The following DNHD1 variants were observed in gnomAD, a reference collection of about 807,000 sequenced individuals.
DNHD1 encodes the protein dynein heavy chain domain-containing protein 1.
A neutral mutation model predicts 458.1 loss-of-function variants in DNHD1; 383 were observed. That is an observed-to-expected ratio of 0.84 (90% CI 0.77 to 0.91). DNHD1 has a LOEUF of 0.91. Among genes scored for constraint, DNHD1 ranks in the 40% least tolerant of loss-of-function variants. The probability of loss-of-function intolerance (pLI) is 0.00; values close to 1 mark genes in which losing one functional copy is unlikely to be tolerated. For synonymous variants in DNHD1, 2,203 were observed against 2,376.9 expected (o/e 0.93, Z 2.13); for missense variants, 5,336 against 5,866.1 (o/e 0.91, Z 2.95).
At position 6,563,139 on chromosome 11, in the gene DNHD1, C is replaced by T. The variant is rs1853620432; in HGVS notation, c.9669+8C>T. 2 of 1,551,646 alleles carry T rather than the reference C, an allele frequency of 1.3e-6. No individual in the cohort carries two copies. The highest frequency in any genetic ancestry group is 1.7e-6 in the Non-Finnish European group (2 of 1,146,966). On this transcript the variant is annotated splice_region_variant and intron_variant, in intron 29 of 42. Transcript: ENST00000254579. ...GAGGCTTTCCTGGAGCAGGTGGGCT[C>T]TTCCTGCCGCCTGCCCTGCACTGCT...
At position 6,498,478 on chromosome 11, in the gene DNHD1, T is replaced by A. The variant is rs1303442823; in HGVS notation, c.263T>A (p.Leu88Gln). The change falls in exon 3 of 43, where the codon CTG becomes CAG. Residue 88 changes from leucine (L) to glutamine (Q), a missense_variant. Leu to Gln is a moderately radical substitution (Grantham distance 113). Coordinates refer to ENST00000254579, the MANE Select transcript of DNHD1 (RefSeq NM_144666.3). The stretch of plus-strand genomic sequence containing the variant: ...GCTTGGCGCTATCTTCATGCAGTAC[T>A]GGGTCTACTGCCTCCATATCGTGAG... ...PAAWRYLHAV[L>Q]GLLPPYRELL... 1 of 1,614,112 alleles carries A rather than the reference T, an allele frequency of 6.2e-7. No individual in the cohort carries two copies. Among genetic ancestry groups the A allele is most frequent in the Non-Finnish European group, 8.5e-7 (1 of 1,180,044 alleles).
In DNHD1 at chr11:6,558,922, C is replaced by A; in HGVS notation, c.9232C>A (p.Leu3078Ile). 6.4e-7 allele frequency: 1 copy of A among 1,551,708 alleles called. No individual in the cohort carries two copies. Among genetic ancestry groups the A allele is most frequent in the African/African-American group, 1.4e-5 (1 of 73,170 alleles). The change falls in exon 27 of 43, where the codon CTC (leucine) becomes ATC (isoleucine). Residue 3078 changes from leucine (L) to isoleucine (I), a missense_variant. Leu to Ile is a conservative substitution (Grantham distance 5, BLOSUM62 2). Coordinates refer to ENST00000254579, the MANE Select transcript of DNHD1 (RefSeq NM_144666.3). ...LDDGSWKYPDLQASIPSVAKA... is the reference protein window; with the variant it reads ...LDDGSWKYPDIQASIPSVAKA... Reference sequence around the variant, plus strand: ...TGCAGGCTCCTGGAAGTACCCAGACCTCCAGGCCTCAATTCCCAGTGTGGC... The same window carrying A: ...TGCAGGCTCCTGGAAGTACCCAGACATCCAGGCCTCAATTCCCAGTGTGGC...
chr11:6,534,853 C>T (rs1417149889), intron 14 of DNHD1, among the ~76,000 whole-genome samples: 2 of 152,160 alleles, frequency 1.3e-5, no homozygotes, highest in Non-Finnish European at 2.9e-5. Flanking sequence ...CTCAAGCAAT[C>T]CTCCCATCTC....
chr11:6,530,081 A>G (rs1340982175), intron 12 of DNHD1, among the ~76,000 whole-genome samples: 1 of 152,166 alleles, frequency 6.6e-6, no homozygotes, highest in South Asian at 2.1e-4. Context: ...GGTAAGCATT[A>G]TATCCGCCCC....
chr11:6,498,830 C>T lies in DNHD1; in HGVS notation c.615C>T (p.Ala205=). Residue 205 remains alanine (A), a synonymous_variant, in exon 3 of 43, where the codon GCC becomes GCT. Transcript: ENST00000254579. ...TGGGCATTGTTGGTGCTCAGGTGGC[C>T]CTAGAAGAGGCTGTGTGGCTGGATG... ...RCLGIVGAQV[A]LEEAVWLDGL... The T allele has an allele frequency of 6.2e-7, 1 of 1,614,196 alleles. No homozygotes were observed. Among genetic ancestry groups the T allele is most frequent in the Non-Finnish European group, 8.5e-7 (1 of 1,180,042 alleles).
At chr11:6,551,930 G>A (rs1038185299) in intron 24 of DNHD1, among the ~76,000 whole-genome samples, 3 of 146,794 alleles carry the variant, frequency 2.0e-5, no homozygotes, top group Non-Finnish European at 3.0e-5. Flanking sequence ...GACAGAGCGA[G>A]ACTCCGTCTC....
Position 6,545,768 on chromosome 11 carries a change from G to A in DNHD1, c.4829G>A (p.Gly1610Asp), listed in dbSNP as rs1483468083. 1 of 1,551,624 alleles carries A rather than the reference G, an allele frequency of 6.4e-7. No homozygotes were observed. The highest frequency in any genetic ancestry group is 1.4e-5 in the African/African-American group (1 of 73,048). The change falls in exon 21 of 43, where the codon GGT (glycine) becomes GAT (aspartate). Residue 1610 changes from glycine (G) to aspartate (D), a missense_variant. Gly to Asp is a moderately conservative substitution (Grantham distance 94). Around this residue, in one of 4 missense-constraint regions of DNHD1, gnomAD observed 3,932 missense variants for 4,365.6 expected, o/e 0.90. Transcript: ENST00000254579. This position sits in a 1 kb window ranked among gnomAD's most constrained non-coding sequence, Gnocchi z 4.9. ...HWVRQLKYHL[G>D]SPHIIPKSPL... ...GTCCGCCAACTCAAGTATCACTTGG[G>A]TTCACCTCACATAATCCCCAAAAGC...
chr11:6,571,729 G>A lies in DNHD1; in HGVS notation c.14005G>A (p.Ala4669Thr), dbSNP rs1452343851. The change falls in exon 43 of 43, where the codon GCC becomes ACC. Residue 4669 changes from alanine (A) to threonine (T), a missense_variant. Ala to Thr is a moderately conservative substitution (Grantham distance 58). Transcript: ENST00000254579. This position sits in a 1 kb window ranked among gnomAD's most constrained non-coding sequence, Gnocchi z 5.0. ...TGCGGAGTGGGACCCAATAGCTGGA[G>A]CCTTGCAGGACAGTCCTTCCAGCCA... Reference protein sequence around the residue: ...LHAEWDPIAGALQDSPSSQPS... With the variant: ...LHAEWDPIAGTLQDSPSSQPS... 4 of 1,612,776 alleles carry A rather than the reference G, an allele frequency of 2.5e-6. No homozygotes were observed. In the Admixed American group the frequency reaches 6.7e-5, roughly 27 times the overall value.
chr11:6,522,391 C>T (rs750682447), intron 10 of DNHD1, among the ~76,000 whole-genome samples: 4 of 152,010 alleles, frequency 2.6e-5, no homozygotes, highest in Non-Finnish European at 4.4e-5. Flanking sequence ...CTGTTTTTCT[C>T]ACTTATAAGT....
At chr11:6,553,285 C>A (rs543929378) in intron 24 of DNHD1, among the ~76,000 whole-genome samples, 29 of 152,284 alleles carry the variant, frequency 1.9e-4, no homozygotes, top group Admixed American at 1.7e-3. Flanking sequence ...ATAAAAATCA[C>A]TTGACAAAAT....
intron 24 of DNHD1, among the ~76,000 whole-genome samples, chr11:6,552,596 T>C (rs899136240): frequency 2.0e-5 from 3 of 149,046 alleles, no homozygotes; most frequent in Non-Finnish European, 4.4e-5. Context: ...TCAGGAAACT[T>C]AAAGTCGTGG....
In DNHD1 at chr11:6,546,365, C is replaced by T; in HGVS notation, c.5426C>T (p.Ala1809Val). 4 of 1,552,182 alleles carry T rather than the reference C, an allele frequency of 2.6e-6. No homozygotes were observed. The highest frequency in any genetic ancestry group is 3.5e-6 in the Non-Finnish European group (4 of 1,147,074). Reference protein sequence around the residue: ...LGYGCLLVLRALSSAVPANLH... With the variant: ...LGYGCLLVLRVLSSAVPANLH... ...TATGGCTGTCTCCTGGTACTGCGTGCCCTGAGCTCTGCTGTGCCTGCCAAC... is the reference window on the plus strand; with the variant it reads ...TATGGCTGTCTCCTGGTACTGCGTGTCCTGAGCTCTGCTGTGCCTGCCAAC... Residue 1809 changes from alanine (A) to valine (V), a missense_variant, in exon 21 of 43, where the codon GCC becomes GTC. Physicochemically the swap from Ala to Val is moderately conservative, Grantham distance 64. This residue lies in a region of DNHD1 where 3,932 missense variants were observed against 4,365.6 expected (regional missense o/e 0.90). Coordinates refer to ENST00000254579, the MANE Select transcript of DNHD1 (RefSeq NM_144666.3).
Position 6,534,071 on chromosome 11 carries a change from G to T in DNHD1, c.2896G>T (p.Asp966Tyr). The T allele has an allele frequency of 6.4e-7, 1 of 1,551,518 alleles. No individual in the cohort carries two copies. Among genetic ancestry groups the T allele is most frequent in the Non-Finnish European group, 8.7e-7 (1 of 1,146,960 alleles). ...CGGTCCCTTTATGGACCCCACACAA[G>T]ATCAGAGGAGTACTGAGCACCAGCT... ...LSGPFMDPTQ[D>Y]QRSTEHQLVS... Residue 966 changes from aspartate (D) to tyrosine (Y), a missense_variant, in exon 14 of 43, where the codon GAT becomes TAT. Physicochemically the swap from Asp to Tyr is radical, Grantham distance 160 (BLOSUM62 -3). Around this residue, in one of 4 missense-constraint regions of DNHD1, gnomAD observed 3,932 missense variants for 4,365.6 expected, o/e 0.90. Transcript: ENST00000254579.
chr11:6,536,357 A>G (rs192169723), intron 14 of DNHD1, among the ~76,000 whole-genome samples: 145 of 152,374 alleles, frequency 9.5e-4, no homozygotes, highest in Non-Finnish European at 1.8e-3. Flanking sequence ...AAAATATTGT[A>G]TCAATATAAT....
In DNHD1 at chr11:6,539,755, C is replaced by G. The variant is rs1589881957; in HGVS notation, c.3421-121C>G. ...TCCCACTCTCGCTTCATCTCTGAGA[C>G]CTCCACTTTCCTGAGCCCTGGCCCT... On this transcript the variant is annotated intron_variant, in intron 17 of 42. Coordinates refer to ENST00000254579, the MANE Select transcript of DNHD1 (RefSeq NM_144666.3). 3.7e-5 allele frequency: 32 copies of G among 862,304 alleles called. No individual in the cohort carries two copies. The East Asian group carries it at 8.5e-4, about 23-fold the overall frequency. The allele number at this position is 862,304 out of a possible 1,614,324, so 53.4% of individuals were successfully genotyped here.
chr11:6,523,548 G>A (rs1204276407), intron 10 of DNHD1, among the ~76,000 whole-genome samples: 2 of 152,106 alleles, frequency 1.3e-5, no homozygotes, highest in East Asian at 1.9e-4. Flanking sequence ...TATCATTGAA[G>A]CCTTTCAAGT....
Position 6,544,134 on chromosome 11 carries a change from G to A in DNHD1, c.3642G>A (p.Leu1214=). 6.4e-7 allele frequency: 1 copy of A among 1,551,574 alleles called. No individual in the cohort carries two copies. The highest frequency in any genetic ancestry group is 8.7e-7 in the Non-Finnish European group (1 of 1,146,934). ...GTFILSDYSN[L]QDSIQESLQV... ...TTTCTGTCTTAGATTACAGCAACCT[G>A]CAGGATTCCATCCAGGAAAGTCTTC... The change falls in exon 19 of 43, where the codon CTG becomes CTA. Residue 1214 remains leucine (L), a synonymous_variant. Transcript: ENST00000254579.
intron 18 of DNHD1, among the ~76,000 whole-genome samples, chr11:6,542,120 A>G (rs2134423452): frequency 6.6e-6 from 1 of 152,198 alleles, no homozygotes; most frequent in Admixed American, 6.5e-5. Context: ...CTTATTAAGG[A>G]CTCTTAAGTT....
intron 24 of DNHD1, among the ~76,000 whole-genome samples, chr11:6,549,328 C>T (rs1853286818): frequency 6.6e-6 from 1 of 152,230 alleles, no homozygotes; most frequent in African/African-American, 2.4e-5. Context: ...ATCTTGTTGA[C>T]ATCTCATTCT....
Sources: gnomAD v4.1 joint callset for allele counts (sites outside exome capture counted in the v4.1 genomes callset) on GRCh38, gnomAD v4.1.1 for gene constraint, gnomAD v4.1.1 regional missense constraint, Gnocchi (gnomAD v3.1) non-coding constraint, MANE v1.5 for transcripts, NCBI Gene and HGNC (gene_info 2026-07-23, HGNC 2026-07-21) for gene names.